Variants in PLD5 observed in about 807,000 individuals in gnomAD.
The protein encoded by PLD5 is phospholipase D family member 5.
In PLD5, 36 loss-of-function variants were observed where a neutral mutation model predicts 61.1. The observed-to-expected ratio is 0.59, with a 90% CI of 0.45 to 0.78. The LOEUF is 0.78. Among genes scored for constraint, PLD5 ranks in the 30% least tolerant of loss-of-function variants. The pLI is 0.00. For synonymous variants in PLD5, 243 were observed against 242.8 expected (o/e 1.00, Z -0.01); for missense variants, 515 against 644.4 (o/e 0.80, Z 2.17).
At chr1:242,432,327 C>G (rs1394063) in intron 1 of PLD5, among the ~76,000 whole-genome samples, 41,411 of 152,094 alleles carry the variant, frequency 0.27, 6,388 homozygotes, top group Admixed American at 0.34. Flanking sequence ...TAGAAGGAAG[C>G]TATTCATTCC....
intron 2 of PLD5, among the ~76,000 whole-genome samples, chr1:242,291,864 T>C (rs1180701725): frequency 1.3e-5 from 2 of 151,520 alleles, no homozygotes; most frequent in African/African-American, 2.4e-5. Flanking sequence ...AGAATGTAAA[T>C]TGGGGATTGG....
intron 5 of PLD5, among the ~76,000 whole-genome samples, chr1:242,130,197 T>C (rs1663123202): frequency 6.6e-6 from 1 of 151,938 alleles, no homozygotes; most frequent in Admixed American, 6.6e-5. Context: ...GATTACAGGC[T>C]CCCGCCACCA....
chr1:242,244,972 T>A (rs1574600104), intron 4 of PLD5, among the ~76,000 whole-genome samples: 1 of 152,230 alleles, frequency 6.6e-6, no homozygotes, highest in African/African-American at 2.4e-5. Flanking sequence ...GTTATTGAGT[T>A]ATTTTACAAT....
chr1:242,210,594 G>C (rs1326023068), intron 5 of PLD5: 2 of 152,392 alleles, frequency 1.3e-5, no homozygotes, highest in East Asian at 3.8e-4. Flanking sequence ...TGCCTTAAGT[G>C]ATGGCATTAC....
At chr1:242,369,175 G>A (rs976579593) in intron 1 of PLD5, among the ~76,000 whole-genome samples, 3 of 152,116 alleles carry the variant, frequency 2.0e-5, no homozygotes, top group Non-Finnish European at 2.9e-5. Context: ...CTTTAATAGT[G>A]AAAAATATAT....
Position 242,524,218 on chromosome 1 carries a change from A to C in PLD5, c.59T>G (p.Met20Arg). The change falls in exon 1 of 10, where the codon ATG becomes AGG. Residue 20 changes from methionine to arginine, a missense_variant. By Grantham distance (91) the Met-to-Arg change is moderately conservative (BLOSUM62 -1). Coordinates refer to ENST00000536534, the MANE Select transcript of PLD5 (RefSeq NM_001372062.1). The stretch of plus-strand genomic sequence containing the variant: ...CTCCTTGGGGCGGCTTTTGAGCCTC[A>C]TCTGCTCGAAGCCCTCATGGGGGGA... ...SASPHEGFEQ[M>R]RLKSRPKEPS... The C allele has an allele frequency of 6.5e-7, 1 of 1,532,066 alleles. No individual in the cohort carries two copies. Among genetic ancestry groups the C allele is most frequent in the Non-Finnish European group, 8.7e-7 (1 of 1,145,028 alleles). The allele number at this position is 1,532,066 out of a possible 1,614,324, so 94.9% of individuals were successfully genotyped here.
chr1:242,469,174 G>A (rs995547192), intron 1 of PLD5, among the ~76,000 whole-genome samples: 4 of 152,214 alleles, frequency 2.6e-5, no homozygotes, highest in African/African-American at 9.6e-5. Flanking sequence ...TCTTGAAAGT[G>A]CATTTCTACA....
chr1:242,162,997 T>C (rs184076011), intron 5 of PLD5, among the ~76,000 whole-genome samples: 7 of 152,296 alleles, frequency 4.6e-5, no homozygotes, highest in African/African-American at 1.7e-4. Flanking sequence ...CATACCCAGT[T>C]CATACTAATA....
rs190276803 is a variant in PLD5 at position 242,183,958 on chromosome 1, G to T, written c.735+36030C>A. 2.0e-4 allele frequency among the ~76,000 whole-genome samples: 28 copies of T among 142,674 alleles called. No homozygotes were observed. In the East Asian group the frequency reaches 5.2e-3, roughly 27 times the overall value. The allele number at this position is 142,674 out of a possible 152,430, so 93.6% of individuals were successfully genotyped here. ...CTAAGTTTGATTGTTTATGTAGTTA[G>T]GTCCAAATGACTTCATATTTATTTA... is the stretch of plus-strand genomic sequence containing the variant. On this transcript the variant is annotated intron_variant, in intron 5 of 9. Coordinates refer to ENST00000536534, the MANE Select transcript of PLD5 (RefSeq NM_001372062.1).
At chr1:242,197,648 T>C (rs1410186306) in intron 5 of PLD5, among the ~76,000 whole-genome samples, 1 of 151,890 alleles carries the variant, frequency 6.6e-6, no homozygotes, top group East Asian at 1.9e-4. Context: ...TTTTTTTTTT[T>C]TTCTGAGACG....
intron 3 of PLD5, among the ~76,000 whole-genome samples, chr1:242,286,561 C>T (rs548891028): frequency 6.6e-6 from 1 of 151,194 alleles, no homozygotes; most frequent in Admixed American, 6.6e-5. Flanking sequence ...GGTTTTATAC[C>T]CCTTCTATAT....
At chr1:242,394,781 T>C (rs1166269334) in intron 1 of PLD5, among the ~76,000 whole-genome samples, 2 of 71,368 alleles carry the variant, frequency 2.8e-5, no homozygotes, top group African/African-American at 5.7e-5. Flanking sequence ...TATATATGTG[T>C]ATATATGTGA....
At chr1:242,492,631 T>C (rs1395068983) in intron 1 of PLD5, among the ~76,000 whole-genome samples, 3 of 152,022 alleles carry the variant, frequency 2.0e-5, no homozygotes, top group African/African-American at 7.3e-5. Flanking sequence ...GCAACCTACA[T>C]GGTTTACTAT....
chr1:242,485,639 C>T (rs761676368), intron 1 of PLD5, among the ~76,000 whole-genome samples: 79 of 152,150 alleles, frequency 5.2e-4, no homozygotes, highest in Non-Finnish European at 9.4e-4. Flanking sequence ...GCCATACTGC[C>T]CAAGGTAATT....
intron 1 of PLD5, among the ~76,000 whole-genome samples, chr1:242,390,182 C>A (rs563388432): frequency 1.0e-3 from 152 of 152,122 alleles, no homozygotes; most frequent in Admixed American, 1.7e-3. Flanking sequence ...CCTCAGCCTC[C>A]TGAGTAGCTG....
intron 3 of PLD5, among the ~76,000 whole-genome samples, chr1:242,276,905 G>T (rs1674443823): frequency 6.6e-6 from 1 of 152,126 alleles, no homozygotes; most frequent in African/African-American, 2.4e-5. Context: ...TTATCTCAAT[G>T]ATGCACCCTG....
At chr1:242,324,795 G>T (rs1480548545) in intron 2 of PLD5, among the ~76,000 whole-genome samples, 2 of 152,076 alleles carry the variant, frequency 1.3e-5, no homozygotes, top group Non-Finnish European at 2.9e-5. Flanking sequence ...GGACCAGCTG[G>T]CCCCACCCAG....
In PLD5 at chr1:242,084,352, C is replaced by T. The variant is rs571693925; in HGVS notation, c.*5502G>A. 6.6e-6 allele frequency: 1 copy of T among 152,132 alleles called. No individual in the cohort carries two copies. The highest frequency in any genetic ancestry group is 1.9e-4 in the East Asian group (1 of 5,164). 9.4% of individuals were successfully genotyped at this position (152,132 alleles called of 1,614,324 possible). ...TGATTCTCTTTATGAAAACAGCACCCACCTTATTACATGCTGTGCATATCC... is the reference window on the plus strand; with the variant it reads ...TGATTCTCTTTATGAAAACAGCACCTACCTTATTACATGCTGTGCATATCC... On this transcript the variant is annotated 3_prime_UTR_variant, in exon 10 of 10. Transcript: ENST00000536534.
intron 1 of PLD5, among the ~76,000 whole-genome samples, chr1:242,485,337 C>G (rs1667922509): frequency 6.6e-6 from 1 of 152,206 alleles, no homozygotes; most frequent in Admixed American, 6.5e-5. Flanking sequence ...CCCAAAATCT[C>G]CTTAAGCTGA....
Sources: gnomAD v4.1 joint callset for allele counts (sites outside exome capture counted in the v4.1 genomes callset) on GRCh38, gnomAD v4.1.1 for gene constraint, MANE v1.5 for transcripts, NCBI Gene and HGNC (gene_info 2026-07-23, HGNC 2026-07-21) for gene names.